NFAT5: variants seen among roughly 807,000 people sequenced by gnomAD.
NFAT5 encodes nuclear factor of activated T cells 5, also known as nuclear factor of activated T-cells 5.
Under a neutral mutation model 166.5 loss-of-function variants are expected in NFAT5, and 31 were observed. The observed-to-expected ratio is 0.19, with a 90% CI of 0.14 to 0.25. The LOEUF (loss-of-function observed/expected upper bound fraction) is 0.25, where lower values mean the gene tolerates loss of function less well. Ranked by LOEUF, NFAT5 falls within the 10% of genes least tolerant of loss-of-function variation. The probability of loss-of-function intolerance (pLI) is 1.00; values close to 1 mark genes in which losing one functional copy is unlikely to be tolerated. For synonymous variants in NFAT5, 612 were observed against 639.7 expected (o/e 0.96, Z 0.65); for missense variants, 1,449 against 1,821.8 (o/e 0.80, Z 3.72).
intron 2 of NFAT5, among the ~76,000 whole-genome samples, chr16:69,618,694 G>GT (rs1172173754): frequency 6.6e-6 from 1 of 150,900 alleles, no homozygotes; most frequent in East Asian, 1.9e-4. Flanking sequence ...TTTTCTGAAG[G>GT]TTTTTTCTAA....
intron 3 of NFAT5, among the ~76,000 whole-genome samples, chr16:69,629,736 G>A (rs1003494071): frequency 2.6e-4 from 39 of 148,644 alleles, no homozygotes; most frequent in Admixed American, 2.0e-4. Flanking sequence ...CACCTCATCT[G>A]GGAAATAAGT....
At chr16:69,589,742 G>C (rs936859828) in intron 2 of NFAT5, among the ~76,000 whole-genome samples, 1 of 151,848 alleles carries the variant, frequency 6.6e-6, no homozygotes, top group Admixed American at 6.6e-5. Flanking sequence ...TCATTTTTTT[G>C]CTAAGAAACA....
rs1367592885 is a variant in NFAT5 at position 69,693,160 on chromosome 16, A to G, written c.3335A>G (p.His1112Arg). 1.2e-6 allele frequency: 2 copies of G among 1,614,116 alleles called. No individual in the cohort carries two copies. The highest frequency in any genetic ancestry group is 1.7e-5 in the Admixed American group (1 of 60,020). The stretch of plus-strand genomic sequence containing the variant: ...CAGGAAACTCAAGGTTCTCTCTTTC[A>G]TAGTCCAAATCCTATTGTCCACAGT... ...LSQETQGSLF[H>R]SPNPIVHSQT... The change falls in exon 13 of 15, where the codon CAT becomes CGT. Residue 1112 changes from histidine to arginine, a missense_variant. Around this residue, in one of 7 missense-constraint regions of NFAT5, gnomAD observed 891 missense variants for 993.0 expected, o/e 0.90. Coordinates refer to ENST00000349945, the MANE Select transcript of NFAT5 (RefSeq NM_138713.4).
intron 11 of NFAT5, among the ~76,000 whole-genome samples, chr16:69,688,537 T>C (rs1445080228): frequency 7.1e-6 from 1 of 140,496 alleles, no homozygotes; most frequent in African/African-American, 2.5e-5. Flanking sequence ...TTATTTTTAC[T>C]TTTTTTGTAT....
At chr16:69,625,961 A>T (rs7188592) in intron 2 of NFAT5, among the ~76,000 whole-genome samples, 23,198 of 145,958 alleles carry the variant, frequency 0.16, 2,843 homozygotes, top group African/African-American at 0.35. Context: ...AAATAAAAAA[A>T]TTTTTTTTTT....
At chr16:69,574,022 C>T (rs1171314269) in intron 2 of NFAT5, among the ~76,000 whole-genome samples, 2 of 152,028 alleles carry the variant, frequency 1.3e-5, no homozygotes, top group South Asian at 4.2e-4. Flanking sequence ...CAAGGGCGCA[C>T]CACCACACCT....
chr16:69,639,273 A>G (rs1416689017), intron 3 of NFAT5, among the ~76,000 whole-genome samples: 3 of 152,226 alleles, frequency 2.0e-5, no homozygotes, highest in Non-Finnish European at 4.4e-5. Context: ...TTGAATAGAA[A>G]AAAATTTTGT....
intron 3 of NFAT5, among the ~76,000 whole-genome samples, chr16:69,636,828 C>T (rs532707254): frequency 4.6e-5 from 7 of 152,292 alleles, no homozygotes; most frequent in Admixed American, 2.6e-4. Context: ...AGGTCTCTGA[C>T]ATGGCCTGGA....
chr16:69,677,966 A>G (rs868275296), intron 10 of NFAT5, among the ~76,000 whole-genome samples: 21 of 151,960 alleles, frequency 1.4e-4, no homozygotes, highest in South Asian at 4.2e-4. Flanking sequence ...GAGGCTGGCC[A>G]ACATGTTGAA....
At chr16:69,605,839 A>G (rs1051213564) in intron 2 of NFAT5, among the ~76,000 whole-genome samples, 12 of 151,630 alleles carry the variant, frequency 7.9e-5, no homozygotes, top group East Asian at 1.9e-4. Context: ...TCAGCCTCCC[A>G]AGTAGCTGGG....
At chr16:69,660,427 CA>C (rs555740063) in intron 7 of NFAT5, among the ~76,000 whole-genome samples, 18 of 150,064 alleles carry the variant, frequency 1.2e-4, no homozygotes, top group African/African-American at 3.7e-4. Flanking sequence ...GCGACTGTCT[CA>C]AAAAAAAAGA....
At chr16:69,686,488 ACTCCAG>A (rs1276736718) in intron 11 of NFAT5, among the ~76,000 whole-genome samples, 2 of 152,162 alleles carry the variant, frequency 1.3e-5, no homozygotes, top group African/African-American at 4.8e-5. Context: ...GTACCACTGC[ACTCCAG>A]CATGGGCAAA....
At chr16:69,594,712 A>G (rs2032686595) in intron 2 of NFAT5, among the ~76,000 whole-genome samples, 1 of 152,188 alleles carries the variant, frequency 6.6e-6, no homozygotes, top group Non-Finnish European at 1.5e-5. Context: ...GTAGGAGATT[A>G]ATAATAATAA....
chr16:69,634,277 CAAAAA>C (rs745354566), intron 3 of NFAT5, among the ~76,000 whole-genome samples: 3 of 84,960 alleles, frequency 3.5e-5, no homozygotes, highest in Admixed American at 3.0e-4. Context: ...TTCCGACTCA[CAAAAA>C]AAAAAAAAAA....
At chr16:69,607,839 T>G (rs1210532980) in intron 2 of NFAT5, among the ~76,000 whole-genome samples, 6 of 152,254 alleles carry the variant, frequency 3.9e-5, no homozygotes, top group African/African-American at 1.4e-4. Flanking sequence ...TTTCCTGACT[T>G]GATTCTGTGA....
rs991009373 is a variant in NFAT5 at position 69,693,800 on chromosome 16, A to G, written c.3975A>G (p.Ser1325=). 2 of 1,614,230 alleles carry G rather than the reference A, an allele frequency of 1.2e-6. No homozygotes were observed. Among genetic ancestry groups the G allele is most frequent in the African/African-American group, 2.7e-5 (2 of 75,054 alleles). The change falls in exon 13 of 15, where the codon TCA becomes TCG. Residue 1325 remains serine, a synonymous_variant. Coordinates refer to ENST00000349945, the MANE Select transcript of NFAT5 (RefSeq NM_138713.4). Reference sequence around the variant, plus strand: ...CTAATCAGGAGCAACAGAACCAGTCAATTTTTCACCAACAAAGTAACATGG... The same window carrying G: ...CTAATCAGGAGCAACAGAACCAGTCGATTTTTCACCAACAAAGTAACATGG... ...PMANQEQQNQ[S]IFHQQSNMAP...
chr16:69,616,290 T>C (rs1322241861), intron 2 of NFAT5, among the ~76,000 whole-genome samples: 1 of 151,942 alleles, frequency 6.6e-6, no homozygotes, highest in Non-Finnish European at 1.5e-5. Context: ...GTGAACACAC[T>C]ATTTATACCT....
At chr16:69,608,093 G>A (rs1373216764) in intron 2 of NFAT5, among the ~76,000 whole-genome samples, 1 of 151,796 alleles carries the variant, frequency 6.6e-6, no homozygotes, top group East Asian at 1.9e-4. Flanking sequence ...GGTGGCTCAC[G>A]CCTGTAATCC....
intron 1 of NFAT5, 149 bp from the exon 2 acceptor site, chr16:69,568,346 A>ATATATATGTG (rs1190306661): frequency 3.9e-5 from 7 of 180,610 alleles, no homozygotes; most frequent in East Asian, 1.9e-4. Context: ...ATATATATAT[A>ATATATATGTG]TGTGTGTGTG....
Sources: gnomAD v4.1 joint callset for allele counts (sites outside exome capture counted in the v4.1 genomes callset) on GRCh38, gnomAD v4.1.1 for gene constraint, gnomAD v4.1.1 regional missense constraint, MANE v1.5 for transcripts, NCBI Gene and HGNC (gene_info 2026-07-23, HGNC 2026-07-21) for gene names.